Variants in DYRK1A observed in about 807,000 individuals in gnomAD.
The protein encoded by DYRK1A is dual specificity tyrosine-phosphorylation-regulated kinase 1A.
DYRK1A carries 9 observed loss-of-function variants against 79.7 expected under a neutral mutation model. The ratio of observed to expected loss-of-function variants is 0.11; its 90% confidence interval spans 0.07 to 0.20. The LOEUF is 0.20. Among genes scored for constraint, DYRK1A ranks in the 10% least tolerant of loss-of-function variants. DYRK1A has a pLI of 1.00. For synonymous variants in DYRK1A, 349 were observed against 329.7 expected (o/e 1.06, Z -0.63); for missense variants, 622 against 956.0 (o/e 0.65, Z 4.61).
rs1379075998 is a variant in DYRK1A at position 37,480,618 on chromosome 21, A to C, written c.301-20A>C. ...CAGTGATTTAAATTTTACAGTTAAC[A>C]CTATGTATTCTCATTTCAGGTTTAC... On this transcript the variant is annotated intron_variant, in intron 4 of 11. Coordinates refer to ENST00000647188, the MANE Select transcript of DYRK1A (RefSeq NM_001347721.2). The C allele has an allele frequency of 1.9e-6, 3 of 1,552,960 alleles. No homozygotes were observed. Among genetic ancestry groups the C allele is most frequent in the Non-Finnish European group, 2.6e-6 (3 of 1,151,460 alleles).
chr21:37,392,820 A>G (rs2049896136), intron 1 of DYRK1A, among the ~76,000 whole-genome samples: 1 of 152,232 alleles, frequency 6.6e-6, no homozygotes, highest in Non-Finnish European at 1.5e-5. Flanking sequence ...GGGAAGTCCA[A>G]GATAAAAGTG....
intron 1 of DYRK1A, among the ~76,000 whole-genome samples, chr21:37,418,254 G>A (rs888563776): frequency 1.3e-5 from 2 of 152,082 alleles, no homozygotes; most frequent in African/African-American, 4.8e-5. Flanking sequence ...ATGATGGTTT[G>A]GTTGCTGTAT....
In DYRK1A at chr21:37,522,395, G is replaced by A. The variant is rs1239137366; in HGVS notation, c.*9864G>A. 1 of 152,254 alleles carries A rather than the reference G, an allele frequency of 6.6e-6. No individual in the cohort carries two copies. Among genetic ancestry groups the A allele is most frequent in the Non-Finnish European group, 1.5e-5 (1 of 68,052 alleles). 9.4% of individuals were successfully genotyped at this position (152,254 alleles called of 1,614,324 possible). On this transcript the variant is annotated 3_prime_UTR_variant, in exon 12 of 12. Coordinates refer to ENST00000647188, the MANE Select transcript of DYRK1A (RefSeq NM_001347721.2). ...GCAACTTGCAGAAGATGACACAACT[G>A]ACCAGCGACAGTCTGTCTTCTAGTC...
At chr21:37,433,301 G>T (rs1401341356) in intron 2 of DYRK1A, among the ~76,000 whole-genome samples, 1 of 152,086 alleles carries the variant, frequency 6.6e-6, no homozygotes, top group Non-Finnish European at 1.5e-5. Context: ...GGAGTGCCAA[G>T]TTTTTAATAT....
At chr21:37,465,089 C>T (rs1414194720) in intron 2 of DYRK1A, among the ~76,000 whole-genome samples, 1 of 152,266 alleles carries the variant, frequency 6.6e-6, no homozygotes, top group East Asian at 1.9e-4. Context: ...GGCAAGCACA[C>T]CTCGTTTATA....
In DYRK1A at chr21:37,513,024, C is replaced by G. The variant is rs2053804974; in HGVS notation, c.*493C>G. On this transcript the variant is annotated 3_prime_UTR_variant, in exon 12 of 12. Coordinates refer to ENST00000647188, the MANE Select transcript of DYRK1A (RefSeq NM_001347721.2). Reference sequence around the variant, plus strand: ...TGGGAAATTTGGGTTTTTAAGTCCTCTAAACACACTTGGGCACGGAAATGC... The same window carrying G: ...TGGGAAATTTGGGTTTTTAAGTCCTGTAAACACACTTGGGCACGGAAATGC... 1 of 159,520 alleles carries G rather than the reference C, an allele frequency of 6.3e-6. No individual in the cohort carries two copies. The highest frequency in any genetic ancestry group is 1.7e-4 in the South Asian group (1 of 5,832). 9.9% of individuals were successfully genotyped at this position (159,520 alleles called of 1,614,324 possible).
At position 37,524,226 on chromosome 21, in the gene DYRK1A, G is replaced by A. The variant is rs772783375; in HGVS notation, c.*11695G>A. ...GAGAATCACTTGAACCCAGGATTTG[G>A]AGACCAGCTTGGGTGGTATAGTGAG... On this transcript the variant is annotated 3_prime_UTR_variant, in exon 12 of 12. Transcript: ENST00000647188. The A allele has an allele frequency of 3.3e-5, 5 of 151,918 alleles. No individual in the cohort carries two copies. The highest frequency in any genetic ancestry group is 7.4e-5 in the Non-Finnish European group (5 of 67,996). 9.4% of individuals were successfully genotyped at this position (151,918 alleles called of 1,614,324 possible).
intron 2 of DYRK1A, among the ~76,000 whole-genome samples, chr21:37,433,778 A>T (rs34155819): frequency 0.043 from 6,503 of 152,316 alleles, 186 homozygotes; most frequent in Middle Eastern, 0.092. Context: ...CATATGGACA[A>T]GAAACCAAGA....
At chr21:37,435,289 C>A (rs1054177300) in intron 2 of DYRK1A, among the ~76,000 whole-genome samples, 1 of 152,176 alleles carries the variant, frequency 6.6e-6, no homozygotes, top group Non-Finnish European at 1.5e-5. Flanking sequence ...CAGTTCCAAT[C>A]ATATGGTGTC....
intron 1 of DYRK1A, among the ~76,000 whole-genome samples, chr21:37,406,036 T>TA (rs2050140681): frequency 6.6e-6 from 1 of 151,998 alleles, no homozygotes; most frequent in African/African-American, 2.4e-5. Context: ...TTAAGGATGA[T>TA]ACATATATTT....
chr21:37,404,145 A>G (rs2050107560), intron 1 of DYRK1A, among the ~76,000 whole-genome samples: 1 of 152,188 alleles, frequency 6.6e-6, no homozygotes, highest in African/African-American at 2.4e-5. Context: ...AGGCGTGTAT[A>G]TATGTATGTA....
intron 9 of DYRK1A, among the ~76,000 whole-genome samples, chr21:37,497,053 CAT>C (rs998758777): frequency 8.5e-5 from 13 of 152,182 alleles, no homozygotes; most frequent in African/African-American, 2.2e-4. Context: ...CCCACACACA[CAT>C]GTACATACAG....
chr21:37,447,604 C>T (rs1355096621), intron 2 of DYRK1A, among the ~76,000 whole-genome samples: 5 of 152,170 alleles, frequency 3.3e-5, no homozygotes, highest in Non-Finnish European at 4.4e-5. Flanking sequence ...AACATTCACA[C>T]TCTGGCCCCT....
At chr21:37,398,275 A>G (rs1169931518) in intron 1 of DYRK1A, among the ~76,000 whole-genome samples, 1 of 151,406 alleles carries the variant, frequency 6.6e-6, no homozygotes, top group Non-Finnish European at 1.5e-5. Context: ...TCTTGAGTCC[A>G]GGGCTGCAGT....
chr21:37,368,055 T>C (rs2049351174), intron 1 of DYRK1A: 2 of 152,390 alleles, frequency 1.3e-5, no homozygotes, highest in South Asian at 1.9e-4. Flanking sequence ...GCAAGGACAA[T>C]GCACGGGTTA....
At chr21:37,385,647 A>AG (rs1201749887) in intron 1 of DYRK1A, among the ~76,000 whole-genome samples, 1 of 152,190 alleles carries the variant, frequency 6.6e-6, no homozygotes, top group Non-Finnish European at 1.5e-5. Flanking sequence ...GAACACTAGG[A>AG]GGTGGGTCAT....
chr21:37,412,277 T>C (rs55818273), intron 1 of DYRK1A, among the ~76,000 whole-genome samples: 1 of 152,194 alleles, frequency 6.6e-6, no homozygotes, highest in Non-Finnish European at 1.5e-5. Flanking sequence ...GATAAGATCA[T>C]ACGTTTCTAA....
At chr21:37,370,900 C>G (rs918461565) in intron 1 of DYRK1A, among the ~76,000 whole-genome samples, 3 of 152,222 alleles carry the variant, frequency 2.0e-5, no homozygotes, top group South Asian at 2.1e-4. Flanking sequence ...AATTGTGTGA[C>G]CAGTGTAATA....
rs550307633 is a variant in DYRK1A, at chr21:37,368,665, A to T, written c.-77+1037A>T. On this transcript the variant is annotated intron_variant, in intron 1 of 11. Coordinates refer to ENST00000647188, the MANE Select transcript of DYRK1A (RefSeq NM_001347721.2). ...CGACCAGCTTGCCCAGCCGGTAGGAACTGTTCCCATTTTATAGATGAGGAG... is the reference window on the plus strand; with the variant it reads ...CGACCAGCTTGCCCAGCCGGTAGGATCTGTTCCCATTTTATAGATGAGGAG... 1.9e-4 allele frequency among the ~76,000 whole-genome samples: 29 copies of T among 152,278 alleles called. 1 individual carries two copies. Among genetic ancestry groups the T allele is most frequent in the Non-Finnish European group, 1.5e-5 (1 of 68,026 alleles).
Sources: gnomAD v4.1 joint callset for allele counts (sites outside exome capture counted in the v4.1 genomes callset) on GRCh38, gnomAD v4.1.1 for gene constraint, MANE v1.5 for transcripts, NCBI Gene and HGNC (gene_info 2026-07-23, HGNC 2026-07-21) for gene names.